The following POMGNT1 variants were observed in gnomAD, a reference collection of about 807,000 sequenced individuals.
POMGNT1 encodes protein O-linked mannose N-acetylglucosaminyltransferase 1 (beta 1,2-), also known as protein O-linked-mannose beta-1,2-N-acetylglucosaminyltransferase 1.
A neutral mutation model predicts 95.6 loss-of-function variants in POMGNT1; 67 were observed. That is an observed-to-expected ratio of 0.70 (90% confidence interval 0.58 to 0.86). The LOEUF (loss-of-function observed/expected upper bound fraction) is 0.86, where lower values mean the gene tolerates loss of function less well. Among genes scored for constraint, POMGNT1 ranks in the 40% least tolerant of loss-of-function variants. The pLI is 0.00. For missense variants in POMGNT1, 719 were observed against 855.2 expected, an observed-to-expected ratio of 0.84 and a Z score of 1.99; for synonymous variants, 298 against 317.9, an observed-to-expected ratio of 0.94 and a Z score of 0.66.
At chr1:46,213,226 A>G (rs1452115580) in intron 1 of POMGNT1, among the ~76,000 whole-genome samples, 2 of 151,632 alleles carry the variant, frequency 1.3e-5, no homozygotes, top group Non-Finnish European at 2.9e-5. Context: ...AGCATATACC[A>G]TAGTGATTTC....
rs985150690 is a variant in POMGNT1, at chr1:46,195,775, G to A, written c.534+36C>T. The A allele has an allele frequency of 5.2e-6, 8 of 1,542,328 alleles. No individual in the cohort carries two copies. In the Admixed American group the frequency reaches 1.2e-4, roughly 22 times the overall value. ...GGGGCTAGAAGCAGGGTTGGAGCTA[G>A]GGAGTAGGGGTCAGGGTCAGGACAG... On this transcript the variant is annotated intron_variant, in intron 6 of 21. Coordinates refer to ENST00000371984, the MANE Select transcript of POMGNT1 (RefSeq NM_017739.4).
chr1:46,194,965 G>T lies in POMGNT1; in HGVS notation c.535-4C>A, dbSNP rs1433628796. 2 of 1,613,982 alleles carry T rather than the reference G, an allele frequency of 1.2e-6. No homozygotes were observed. The highest frequency in any genetic ancestry group is 2.2e-5 in the South Asian group (2 of 91,078). The stretch of plus-strand genomic sequence containing the variant: ...TGAGGTGGAAGGAGCCCTCATCCTG[G>T]GGGACCAGAGAAGGCAGTTAGCCTG... On this transcript the variant is annotated splice_polypyrimidine_tract_variant and splice_region_variant and intron_variant, in intron 6 of 21. Coordinates refer to ENST00000371984, the MANE Select transcript of POMGNT1 (RefSeq NM_017739.4).
At chr1:46,195,736 G>C (rs1266904393) in intron 6 of POMGNT1, 75 bp downstream of exon 6, 3 of 1,295,086 alleles carry the variant, frequency 2.3e-6, no homozygotes, top group Non-Finnish European at 3.3e-6. Flanking sequence ...TGTTATATGA[G>C]GGGCAGAGAA....
intron 1 of POMGNT1, chr1:46,203,522 A>T: frequency 6.4e-7 from 1 of 1,563,776 alleles, no homozygotes; most frequent in Non-Finnish European, 8.6e-7. Context: ...GCGGGCTGCG[A>T]GGCGAGTGTG....
intron 1 of POMGNT1, 60 bp from the exon 2 acceptor site, chr1:46,197,931 G>A: frequency 5.9e-6 from 9 of 1,519,852 alleles, no homozygotes; most frequent in Non-Finnish European, 8.1e-6. Context: ...GATGCCTTCT[G>A]GGGAGATGAG....
At chr1:46,220,058 T>C (rs769852406) in exon 1 of POMGNT1, 1 of 1,614,186 alleles carries the variant, frequency 6.2e-7, no homozygotes, top group South Asian at 1.1e-5. Flanking sequence ...CTGAGGTGGA[T>C]GTGGCAGCCA....
chr1:46,207,014 G>A (rs886752318), intron 1 of POMGNT1, among the ~76,000 whole-genome samples: 6 of 152,146 alleles, frequency 3.9e-5, no homozygotes, highest in Non-Finnish European at 5.9e-5. Context: ...TTTCAAATTG[G>A]AAGGAGGCAC....
intron 1 of POMGNT1, among the ~76,000 whole-genome samples, chr1:46,212,583 A>AT (rs983480552): frequency 8.3e-5 from 12 of 143,918 alleles, no homozygotes; most frequent in East Asian, 2.1e-4. Context: ...ACCCGGCCAA[A>AT]TTTTTTTTTT....
chr1:46,198,828 A>G (rs1467653399), upstream of POMGNT1, among the ~76,000 whole-genome samples: 1 of 152,246 alleles, frequency 6.6e-6, no homozygotes, highest in Non-Finnish European at 1.5e-5. Context: ...GGGCATGCAC[A>G]GCTATTGGAG....
chr1:46,190,093 A>ATTT, intron 19 of POMGNT1, 104 bp from the exon 20 acceptor site: 1 of 1,122,982 alleles, frequency 8.9e-7, no homozygotes, highest in Non-Finnish European at 1.2e-6. Context: ...GCCACCTTGA[A>ATTT]GTTCTTTTTT....
rs1300599454 is a variant in POMGNT1 at position 46,194,375 on chromosome 1, C to G, written c.778G>C (p.Glu260Gln). Residue 260 changes from glutamate to glutamine, a missense_variant, in exon 9 of 22, where the codon GAG (glutamate) becomes CAG (glutamine). Glu to Gln is a conservative substitution (Grantham distance 29). This residue lies in a region of POMGNT1 where 466 missense variants were observed against 517.4 expected (regional missense o/e 0.90). Transcript: ENST00000371984. Reference protein sequence around the residue: ...EEAECHWADTELNRRRRRFCS... With the variant: ...EEAECHWADTQLNRRRRRFCS... ...AAGCGCCGGCGGCGACGGTTCAGCT[C>G]TGTGTCTGCCCAGTGGCACTCTGCC... is the stretch of plus-strand genomic sequence containing the variant. The G allele has an allele frequency of 6.2e-7, 1 of 1,614,220 alleles. No homozygotes were observed. Among genetic ancestry groups the G allele is most frequent in the Non-Finnish European group, 8.5e-7 (1 of 1,180,042 alleles).
Position 46,189,263 on chromosome 1 carries a change from G to A in POMGNT1, c.*7C>T. The A allele has an allele frequency of 6.2e-7, 1 of 1,612,884 alleles. No homozygotes were observed. The highest frequency in any genetic ancestry group is 8.5e-7 in the Non-Finnish European group (1 of 1,179,454). ...GTACCCAGCCCCGCAGGGTCCTGGA[G>A]GAGGTCTCATGTCTGTTCTGGGGCT... On this transcript the variant is annotated 3_prime_UTR_variant, in exon 22 of 22. Coordinates refer to ENST00000371984, the MANE Select transcript of POMGNT1 (RefSeq NM_017739.4).
chr1:46,197,974 ACC>A, intron 1 of POMGNT1, 103 bp from the exon 2 acceptor site: 1 of 1,154,766 alleles, frequency 8.7e-7, no homozygotes, highest in Non-Finnish European at 1.2e-6. Flanking sequence ...CCCTGCAAGC[ACC>A]CATACTGTGT....
chr1:46,192,365 C>T lies in POMGNT1; in HGVS notation c.1356G>A (p.Val452=). ...CCTCCTTGTACAAGGACCTCCTGAG[C>T]ACCCAGCCCAGCCCAGGCATGGTCT... ...RVETMPGLGW[V]LRRSLYKEEL... Residue 452 remains valine, a synonymous_variant, in exon 16 of 22, where the codon GTG becomes GTA. Coordinates refer to ENST00000371984, the MANE Select transcript of POMGNT1 (RefSeq NM_017739.4). 6.2e-7 allele frequency: 1 copy of T among 1,614,198 alleles called. No homozygotes were observed.
chr1:46,196,219 T>C lies in POMGNT1; in HGVS notation c.355-142A>G. 6.6e-7 allele frequency: 1 copy of C among 1,515,716 alleles called. No homozygotes were observed. The highest frequency in any genetic ancestry group is 8.9e-7 in the Non-Finnish European group (1 of 1,127,196). 93.9% of individuals were successfully genotyped at this position (1,515,716 alleles called of 1,614,324 possible). A position where few individuals can be genotyped will look rare whatever the true frequency, so the allele number is the denominator to read the frequency against. On this transcript the variant is annotated intron_variant, in intron 4 of 21. Coordinates refer to ENST00000371984, the MANE Select transcript of POMGNT1 (RefSeq NM_017739.4). This position sits in a 1 kb window ranked among gnomAD's most constrained non-coding sequence, Gnocchi z 4.4. ...TCACACAGTTCTTTTCCAACTCAGC[T>C]CGAAGGCCACCTCTTCCAGAAAGCC...
At position 46,216,043 on chromosome 1, in the gene POMGNT1, C is replaced by CTTTTT. The variant is rs141982741; in HGVS notation, c.-51+3657_-51+3661dup. 3.5e-3 allele frequency among the ~76,000 whole-genome samples: 328 copies of CTTTTT among 92,560 alleles called. 3 individuals are homozygous for CTTTTT. The highest frequency in any genetic ancestry group is 3.9e-3 in the African/African-American group (90 of 23,248). The allele number at this position is 92,560 out of a possible 152,430, so 60.7% of individuals were successfully genotyped here. On this transcript the variant is annotated intron_variant, in intron 1 of 22. Coordinates refer to the POMGNT1 transcript ENST00000371992. Reference sequence around the variant, plus strand: ...AAAATAATTTCAACTTTTATTTTATCTTTTTTTTTTTTTTTTTTTTTTTGT... The same window carrying CTTTTT: ...AAAATAATTTCAACTTTTATTTTATCTTTTTTTTTTTTTTTTTTTTTTTTTTTTGT...
Position 46,219,772 on chromosome 1 carries a change from G to A in POMGNT1, c.-118C>T, listed in dbSNP as rs529637681. On this transcript the variant is annotated 5_prime_UTR_variant, in exon 1 of 23. Coordinates refer to the POMGNT1 transcript ENST00000371992. ...TTGAATGAGGGCATCGAGGCAGTGC[G>A]CTGGCTGTTGGAGGAGCGGGGGACG... 202 of 1,614,008 alleles carry A rather than the reference G, an allele frequency of 1.3e-4. 3 individuals are homozygous for A. In the South Asian group the frequency reaches 2.0e-3, roughly 16 times the overall value.
intron 11 of POMGNT1, 56 bp downstream of exon 11, chr1:46,193,508 A>G: frequency 6.2e-7 from 1 of 1,613,966 alleles, no homozygotes; most frequent in South Asian, 1.1e-5. Flanking sequence ...CGTCCCTGGC[A>G]ATCACTGCTG....
chr1:46,189,344 G>A lies in POMGNT1; in HGVS notation c.1909C>T (p.Pro637Ser). The A allele has an allele frequency of 1.9e-6, 3 of 1,613,934 alleles. No individual in the cohort carries two copies. Among genetic ancestry groups the A allele is most frequent in the Non-Finnish European group, 1.7e-6 (2 of 1,180,040 alleles). ...PASPYSVKKP[P>S]SVTPIFLEPP... ...TCCAGGAAAATTGGGGTGACTGAGG[G>A]TGGCTTCTTCACTCTGGGAAAATAA... Residue 637 changes from proline to serine, a missense_variant, in exon 22 of 22, where the codon CCC becomes TCC. Physicochemically the swap from Pro to Ser is moderately conservative, Grantham distance 74. Transcript: ENST00000371984.
Sources: gnomAD v4.1 joint callset for allele counts (sites outside exome capture counted in the v4.1 genomes callset) on GRCh38, gnomAD v4.1.1 for gene constraint, gnomAD v4.1.1 regional missense constraint, Gnocchi (gnomAD v3.1) non-coding constraint, MANE v1.5 for transcripts, NCBI Gene and HGNC (gene_info 2026-07-23, HGNC 2026-07-21) for gene names.